The following NELFCD variants were observed in gnomAD, a reference collection of about 807,000 sequenced individuals.
The protein encoded by NELFCD is negative elongation factor C/D.
In NELFCD, 48 loss-of-function variants were observed where a neutral mutation model predicts 72.9. The observed-to-expected ratio is 0.66, with a 90% CI of 0.52 to 0.84. NELFCD has a LOEUF of 0.84. Among genes scored for constraint, NELFCD ranks in the 40% least tolerant of loss-of-function variants. The probability of loss-of-function intolerance (pLI) is 0.00; values close to 1 mark genes in which losing one functional copy is unlikely to be tolerated. For missense variants in NELFCD, 538 were observed against 723.8 expected (o/e 0.74, Z 2.94); for synonymous variants, 297 against 280.6 (o/e 1.06, Z -0.59).
chr20:58,992,977 A>G, intron 10 of NELFCD, 21 bp from the exon 11 acceptor site: 2 of 1,547,112 alleles, frequency 1.3e-6, no homozygotes, highest in Non-Finnish European at 1.8e-6. Context: ...TTTTAAAGGA[A>G]GCATTCTGCC....
In NELFCD at chr20:58,994,946, A is replaced by C. The variant is rs1601221074; in HGVS notation, c.*270A>C. 4.6e-6 allele frequency: 2 copies of C among 433,236 alleles called. No individual in the cohort carries two copies. The highest frequency in any genetic ancestry group is 8.2e-6 in the Non-Finnish European group (2 of 244,250). 26.8% of individuals were successfully genotyped at this position (433,236 alleles called of 1,614,324 possible). A position where few individuals can be genotyped will look rare whatever the true frequency, so the allele number is the denominator to read the frequency against. The stretch of plus-strand genomic sequence containing the variant: ...TCAAGGCAGGCGCTGGGCTCCCACG[A>C]CCCCTCAGGACAGATCTGGCCGTCA... On this transcript the variant is annotated 3_prime_UTR_variant, in exon 15 of 15. Coordinates refer to ENST00000652272, the MANE Select transcript of NELFCD (RefSeq NM_198976.4).
chr20:58,990,454 T>C (rs547131605), intron 7 of NELFCD: 1 of 172,604 alleles, frequency 5.8e-6, no homozygotes, highest in Non-Finnish European at 1.2e-5. Flanking sequence ...GCTGGAAAAG[T>C]TGGAGTTGTT....
intron 5 of NELFCD, 149 bp from the exon 6 acceptor site, chr20:58,989,339 G>A: frequency 1.1e-6 from 1 of 892,272 alleles, no homozygotes; most frequent in Non-Finnish European, 1.8e-6. Flanking sequence ...CACACACCTA[G>A]GTGATAGCAG....
At chr20:58,985,845 T>C (rs2091767869) in intron 1 of NELFCD, among the ~76,000 whole-genome samples, 2 of 152,108 alleles carry the variant, frequency 1.3e-5, no homozygotes, top group South Asian at 4.1e-4. Context: ...AGAGGTTGGG[T>C]AACTTGTGTG....
At chr20:58,989,128 CTTTA>C (rs374770200) in intron 5 of NELFCD, 107 bp downstream of exon 5, 1 of 798,230 alleles carries the variant, frequency 1.3e-6, no homozygotes, top group South Asian at 1.6e-5. Flanking sequence ...CCATAAAGGT[CTTTA>C]TTGTTTTATT....
Position 58,981,314 on chromosome 20 carries a change from A to G in NELFCD, c.5A>G (p.Asp2Gly), listed in dbSNP as rs2091729637. The G allele has an allele frequency of 4.6e-6, 5 of 1,093,370 alleles. No individual in the cohort carries two copies. Among genetic ancestry groups the G allele is most frequent in the Non-Finnish European group, 5.6e-6 (5 of 896,112 alleles). The allele number at this position is 1,093,370 out of a possible 1,614,324, so 67.7% of individuals were successfully genotyped here. Residue 2 changes from aspartate to glycine, a missense_variant, in exon 1 of 15, where the codon GAC (aspartate) becomes GGC (glycine). This residue lies in a region of NELFCD where 47 missense variants were observed against 35.3 expected (regional missense o/e 1.33). Coordinates refer to ENST00000652272, the MANE Select transcript of NELFCD (RefSeq NM_198976.4). M[D>G]EDYYGSAAEW... ...GGGGCCGTGCCGGGCGCCATCATGG[A>G]CGAGGACTACTACGGGAGCGCGGCC...
chr20:58,987,605 C>A, intron 3 of NELFCD, 103 bp from the exon 4 acceptor site: 1 of 902,244 alleles, frequency 1.1e-6, no homozygotes, highest in Non-Finnish European at 1.8e-6. Flanking sequence ...AGAAGCAATT[C>A]TTTGGTATTT....
chr20:58,986,109 G>C lies in NELFCD; in HGVS notation c.77G>C (p.Gly26Ala), dbSNP rs761326014. The C allele has an allele frequency of 6.2e-7, 1 of 1,613,506 alleles. No homozygotes were observed. The highest frequency in any genetic ancestry group is 1.1e-5 in the South Asian group (1 of 91,062). ...ADGGQQEDDS[G>A]EGEDDAEVQQ... ...TACCAACAGCAGGAGGATGATTCTG[G>C]AGAAGGAGAGGATGATGCGGAGGTT... The change falls in exon 2 of 15, where the codon GGA becomes GCA. Residue 26 changes from glycine (G) to alanine (A), a missense_variant. Physicochemically the swap from Gly to Ala is moderately conservative, Grantham distance 60. Around this residue, in one of 3 missense-constraint regions of NELFCD, gnomAD observed 47 missense variants for 35.3 expected, o/e 1.33. Transcript: ENST00000652272. The surrounding 1 kb of genome is among the most constrained non-coding windows in gnomAD (Gnocchi z 4.4).
At chr20:58,989,199 A>T in intron 5 of NELFCD, 178 bp downstream of exon 5, 1 of 628,516 alleles carries the variant, frequency 1.6e-6, no homozygotes, top group Non-Finnish European at 2.8e-6. Flanking sequence ...TTTTTGGGTC[A>T]GTGTTGACTG....
At position 58,991,011 on chromosome 20, in the gene NELFCD, A is replaced by C; in HGVS notation, c.890A>C (p.Asn297Thr). The C allele has an allele frequency of 6.2e-7, 1 of 1,614,108 alleles. No homozygotes were observed. Among genetic ancestry groups the C allele is most frequent in the Non-Finnish European group, 8.5e-7 (1 of 1,180,010 alleles). Residue 297 changes from asparagine (N) to threonine (T), a missense_variant, in exon 8 of 15, where the codon AAC becomes ACC. Physicochemically the swap from Asn to Thr is moderately conservative, Grantham distance 65. This residue lies in a region of NELFCD where 355 missense variants were observed against 534.5 expected (regional missense o/e 0.66). Coordinates refer to ENST00000652272, the MANE Select transcript of NELFCD (RefSeq NM_198976.4). ...LGAMLSKGAL[N>T]PADITVLFKM... Reference sequence around the variant, plus strand: ...GCCATGCTGTCCAAAGGAGCCCTGAACCCTGCTGACATCACCGTCCTGTTC... The same window carrying C: ...GCCATGCTGTCCAAAGGAGCCCTGACCCCTGCTGACATCACCGTCCTGTTC...
chr20:58,994,062 G>C, intron 13 of NELFCD, 48 bp from the exon 14 acceptor site: 1 of 1,593,932 alleles, frequency 6.3e-7, no homozygotes, highest in Non-Finnish European at 8.6e-7. Flanking sequence ...GTCGGTGGAT[G>C]CCCCGCACTA....
At position 58,993,149 on chromosome 20, in the gene NELFCD, G is replaced by C; in HGVS notation, c.1344+37G>C. The stretch of plus-strand genomic sequence containing the variant: ...GAGAGCTGTTCACAGCCTACACAGT[G>C]TCTGTCTCATGCTGTTTACGTTGGC... On this transcript the variant is annotated intron_variant, in intron 11 of 14. Coordinates refer to ENST00000652272, the MANE Select transcript of NELFCD (RefSeq NM_198976.4). The surrounding 1 kb of genome is among the most constrained non-coding windows in gnomAD (Gnocchi z 5.0). The C allele has an allele frequency of 6.9e-7, 1 of 1,447,472 alleles. No individual in the cohort carries two copies. The highest frequency in any genetic ancestry group is 9.7e-7 in the Non-Finnish European group (1 of 1,028,006). The allele number at this position is 1,447,472 out of a possible 1,614,324, so 89.7% of individuals were successfully genotyped here. A position where few individuals can be genotyped will look rare whatever the true frequency, so the allele number is the denominator to read the frequency against.
In NELFCD at chr20:58,986,288, A is replaced by G. The variant is rs2091771568; in HGVS notation, c.176+80A>G. 13 of 928,790 alleles carry G rather than the reference A, an allele frequency of 1.4e-5. No homozygotes were observed. In the South Asian group the frequency reaches 1.6e-4, roughly 12 times the overall value. The allele number at this position is 928,790 out of a possible 1,614,324, so 57.5% of individuals were successfully genotyped here. ...TTTTGTAATACACCCAGAAGGTGCT[A>G]TGTAAAGCAAGAGTAACGCGAACTG... is the stretch of plus-strand genomic sequence containing the variant. On this transcript the variant is annotated intron_variant, in intron 2 of 14. Coordinates refer to ENST00000652272, the MANE Select transcript of NELFCD (RefSeq NM_198976.4). This position sits in a 1 kb window ranked among gnomAD's most constrained non-coding sequence, Gnocchi z 4.4.
At chr20:58,992,420 A>G (rs1315369448) in intron 10 of NELFCD, among the ~76,000 whole-genome samples, 1 of 152,230 alleles carries the variant, frequency 6.6e-6, no homozygotes, top group African/African-American at 2.4e-5. Context: ...AATTTATACT[A>G]GGGATGAAGA....
chr20:58,994,102 C>T lies in NELFCD; in HGVS notation c.1582-8C>T, dbSNP rs375726691. ...GCGGAAGAAGTCACCCTGTGCTCCC[C>T]CACGCAGGTGCTGGACGTCATTGCT... On this transcript the variant is annotated splice_region_variant and splice_polypyrimidine_tract_variant and intron_variant, in intron 13 of 14. Transcript: ENST00000652272. 12 of 1,613,854 alleles carry T rather than the reference C, an allele frequency of 7.4e-6. 1 individual carries two copies. The highest frequency in any genetic ancestry group is 6.6e-5 in the South Asian group (6 of 91,074).
At chr20:58,990,186 C>G (rs1000944399) in intron 7 of NELFCD, 198 bp downstream of exon 7, 1 of 624,772 alleles carries the variant, frequency 1.6e-6, no homozygotes, top group Non-Finnish European at 2.7e-6. Flanking sequence ...CACCTAAGGT[C>G]AGGAGTTTGA....
At chr20:58,992,941 T>C in intron 10 of NELFCD, 57 bp from the exon 11 acceptor site, 1 of 1,265,182 alleles carries the variant, frequency 7.9e-7, no homozygotes, top group South Asian at 1.2e-5. Context: ...AATGCTTTTC[T>C]AGCATATTTT....
At position 58,993,986 on chromosome 20, in the gene NELFCD, G is replaced by T; in HGVS notation, c.1582-124G>T. 1 of 1,223,392 alleles carries T rather than the reference G, an allele frequency of 8.2e-7. No homozygotes were observed. The highest frequency in any genetic ancestry group is 1.9e-5 in the Admixed American group (1 of 52,902). The allele number at this position is 1,223,392 out of a possible 1,614,324, so 75.8% of individuals were successfully genotyped here. ...CTGGGCATCTGAATGTTGGAGATGG[G>T]TGGTGTCACCGGCCGGTGGGGGTGG... On this transcript the variant is annotated intron_variant, in intron 13 of 14. Transcript: ENST00000652272. This position sits in a 1 kb window ranked among gnomAD's most constrained non-coding sequence, Gnocchi z 5.0.
intron 3 of NELFCD, chr20:58,987,367 T>C (rs1348128866): frequency 3.2e-6 from 1 of 311,446 alleles, no homozygotes; most frequent in Non-Finnish European, 5.9e-6. Context: ...AGTGTGTCTC[T>C]TTTGGCTGCC....
Sources: gnomAD v4.1 joint callset for allele counts (sites outside exome capture counted in the v4.1 genomes callset) on GRCh38, gnomAD v4.1.1 for gene constraint, gnomAD v4.1.1 regional missense constraint, Gnocchi (gnomAD v3.1) non-coding constraint, MANE v1.5 for transcripts, NCBI Gene and HGNC (gene_info 2026-07-23, HGNC 2026-07-21) for gene names.